Variants in TMEM248 observed in about 807,000 individuals in gnomAD.
TMEM248 encodes the protein transmembrane protein 248, also known as UPF0458 protein C7orf42.
In TMEM248, 9 loss-of-function variants were observed where a neutral mutation model predicts 30.3. That is an observed-to-expected ratio of 0.30 (90% CI 0.18 to 0.52). TMEM248 has a LOEUF of 0.52. Among genes scored for constraint, TMEM248 ranks in the 20% least tolerant of loss-of-function variants. The probability of loss-of-function intolerance (pLI) is 0.97; values close to 1 mark genes in which losing one functional copy is unlikely to be tolerated. For synonymous variants in TMEM248, 184 were observed against 154.4 expected (o/e 1.19, Z -1.42); for missense variants, 338 against 403.3 (o/e 0.84, Z 1.39).
At chr7:66,929,328 A>G (rs773946146) in intron 1 of TMEM248, among the ~76,000 whole-genome samples, 2 of 151,982 alleles carry the variant, frequency 1.3e-5, no homozygotes, top group Non-Finnish European at 2.9e-5. Flanking sequence ...AAAGTAGGCA[A>G]TGACGGTAGA....
chr7:66,946,344 G>A (rs1435521350), intron 3 of TMEM248, among the ~76,000 whole-genome samples: 7 of 152,206 alleles, frequency 4.6e-5, no homozygotes, highest in South Asian at 2.1e-4. Flanking sequence ...TTGGGAGGCC[G>A]AGGTGGGTGG....
rs1792435559 is a variant in TMEM248 at position 66,957,699 on chromosome 7, A to G, written c.*2177A>G. 1.3e-5 allele frequency: 2 copies of G among 152,214 alleles called. No individual in the cohort carries two copies. Among genetic ancestry groups the G allele is most frequent in the African/African-American group, 2.4e-5 (1 of 41,456 alleles). 9.4% of individuals were successfully genotyped at this position (152,214 alleles called of 1,614,324 possible). A position where few individuals can be genotyped will look rare whatever the true frequency, so the allele number is the denominator to read the frequency against. ...GAAAAACAGTGAAAAAGCCAATTTC[A>G]CTGGTTCGTTCAATCCAGCTTGTTG... On this transcript the variant is annotated 3_prime_UTR_variant, in exon 7 of 7. Coordinates refer to ENST00000341567, the MANE Select transcript of TMEM248 (RefSeq NM_017994.5).
chr7:66,925,878 T>A (rs989471048), intron 1 of TMEM248, among the ~76,000 whole-genome samples: 13 of 151,594 alleles, frequency 8.6e-5, no homozygotes, highest in African/African-American at 3.2e-4. Context: ...CCTGACCTCA[T>A]AATCCACCCG....
chr7:66,942,418 A>T lies in TMEM248; in HGVS notation c.159+394A>T, dbSNP rs112035145. ...CCACATATCATCATGGAGTTTTATCAGCTATACTAATGGTTTTTTTCATGA... is the reference window on the plus strand; with the variant it reads ...CCACATATCATCATGGAGTTTTATCTGCTATACTAATGGTTTTTTTCATGA... On this transcript the variant is annotated intron_variant, in intron 2 of 6. Coordinates refer to ENST00000341567, the MANE Select transcript of TMEM248 (RefSeq NM_017994.5). Among the ~76,000 whole-genome samples the T allele has an allele frequency of 2.2e-3, 338 of 152,362 alleles. 1 individual carries two copies. The highest frequency in any genetic ancestry group is 7.8e-3 in the African/African-American group (324 of 41,598).
chr7:66,934,461 A>G (rs2129222260), intron 1 of TMEM248, among the ~76,000 whole-genome samples: 1 of 152,286 alleles, frequency 6.6e-6, no homozygotes, highest in African/African-American at 2.4e-5. Flanking sequence ...TTGGCCTCCC[A>G]AAGTGCTGGG....
At chr7:66,939,022 T>TA (rs1168592512) in intron 1 of TMEM248, among the ~76,000 whole-genome samples, 1 of 152,198 alleles carries the variant, frequency 6.6e-6, no homozygotes, top group Non-Finnish European at 1.5e-5. Context: ...AATGGCTGAT[T>TA]AAAAAAGCGG....
At chr7:66,946,132 C>G (rs534342203) in intron 3 of TMEM248, among the ~76,000 whole-genome samples, 1 of 146,232 alleles carries the variant, frequency 6.8e-6, no homozygotes, top group Non-Finnish European at 1.5e-5. Context: ...CATGGTGGTG[C>G]GCACTTGTAG....
chr7:66,954,449 G>A (rs1296313715), intron 6 of TMEM248, among the ~76,000 whole-genome samples: 5 of 146,998 alleles, frequency 3.4e-5, no homozygotes, highest in Admixed American at 1.4e-4. Context: ...AGAGTGGTGC[G>A]ATCGTAGCTC....
Position 66,955,761 on chromosome 7 carries a change from T to C in TMEM248, c.*239T>C, listed in dbSNP as rs1200498252. The C allele has an allele frequency of 2.0e-6, 1 of 503,162 alleles. No individual in the cohort carries two copies. Among genetic ancestry groups the C allele is most frequent in the Non-Finnish European group, 3.4e-6 (1 of 290,416 alleles). The allele number at this position is 503,162 out of a possible 1,614,324, so 31.2% of individuals were successfully genotyped here. Reference sequence around the variant, plus strand: ...CAGCCAGAGCCCTTCAACCCCACCTTGGACTTGAGGACCTACCTGATGGGA... The same window carrying C: ...CAGCCAGAGCCCTTCAACCCCACCTCGGACTTGAGGACCTACCTGATGGGA... On this transcript the variant is annotated 3_prime_UTR_variant, in exon 7 of 7. Transcript: ENST00000341567.
At chr7:66,921,720 C>G (rs889327225) in intron 1 of TMEM248, 1 of 152,280 alleles carries the variant, frequency 6.6e-6, no homozygotes, top group African/African-American at 2.4e-5. Context: ...GGCGGGACTT[C>G]CCACGTCTGG....
At chr7:66,953,405 T>C (rs1019040583) in intron 6 of TMEM248, 36 bp downstream of exon 6, 1 of 1,608,286 alleles carries the variant, frequency 6.2e-7, no homozygotes. Flanking sequence ...AGCATTTTAC[T>C]AGAGGTCTCT....
chr7:66,942,477 G>A (rs540872220), intron 2 of TMEM248, among the ~76,000 whole-genome samples: 2 of 152,282 alleles, frequency 1.3e-5, no homozygotes, highest in East Asian at 1.9e-4. Context: ...TTCAAAAACA[G>A]GACCTAATTT....
At chr7:66,950,245 G>C (rs1351349115) in intron 4 of TMEM248, among the ~76,000 whole-genome samples, 1 of 151,956 alleles carries the variant, frequency 6.6e-6, no homozygotes, top group Non-Finnish European at 1.5e-5. Context: ...ATATAGTTTG[G>C]CTGTCTCCCC....
rs199864315 is a variant in TMEM248 at position 66,933,965 on chromosome 7, CT to C, written c.-18-7872del. Reference sequence around the variant, plus strand: ...AGTGTGCTTTCTTTTATCTCTTTTTCTTTTTTTTTTTCCTAAACAGAACTTA... The same window carrying C: ...AGTGTGCTTTCTTTTATCTCTTTTTCTTTTTTTTTTCCTAAACAGAACTTA... On this transcript the variant is annotated intron_variant, in intron 1 of 6. Transcript: ENST00000341567. 4.4e-4 allele frequency among the ~76,000 whole-genome samples: 64 copies of C among 145,552 alleles called. 1 individual carries two copies. The highest frequency in any genetic ancestry group is 2.4e-3 in the South Asian group (11 of 4,636).
chr7:66,934,852 G>T (rs1791761688), intron 1 of TMEM248, among the ~76,000 whole-genome samples: 2 of 152,130 alleles, frequency 1.3e-5, no homozygotes, highest in Admixed American at 6.6e-5. Flanking sequence ...AGGAGTTCAA[G>T]ACCAGTCTGG....
chr7:66,945,794 A>G (rs1485948000), intron 3 of TMEM248, among the ~76,000 whole-genome samples: 1 of 152,094 alleles, frequency 6.6e-6, no homozygotes, highest in Non-Finnish European at 1.5e-5. Flanking sequence ...CTACTAAAAT[A>G]CAAAAAATTG....
chr7:66,943,528 G>C (rs1437218206), intron 2 of TMEM248, among the ~76,000 whole-genome samples: 1 of 152,198 alleles, frequency 6.6e-6, no homozygotes, highest in African/African-American at 2.4e-5. Context: ...CTGTGAATCA[G>C]AACTTAATGC....
chr7:66,946,970 T>C lies in TMEM248; in HGVS notation c.446-1574T>C, dbSNP rs181834458. 1.2e-4 allele frequency among the ~76,000 whole-genome samples: 19 copies of C among 152,144 alleles called. No individual in the cohort carries two copies. The East Asian group carries it at 3.3e-3, about 26-fold the overall frequency. The stretch of plus-strand genomic sequence containing the variant: ...GGCTCATGCCTGTAATCCCAGCACA[T>C]TGAGAGGCTGAGGCAGGAAGATTGC... On this transcript the variant is annotated intron_variant, in intron 3 of 6. Transcript: ENST00000341567.
chr7:66,953,159 C>G, intron 5 of TMEM248, 67 bp from the exon 6 acceptor site: 1 of 1,551,926 alleles, frequency 6.4e-7, no homozygotes, highest in East Asian at 2.3e-5. Flanking sequence ...TCTCTCAAAA[C>G]CCAGCATTAA....
Sources: gnomAD v4.1 joint callset for allele counts (sites outside exome capture counted in the v4.1 genomes callset) on GRCh38, gnomAD v4.1.1 for gene constraint, MANE v1.5 for transcripts, NCBI Gene and HGNC (gene_info 2026-07-23, HGNC 2026-07-21) for gene names.